The following LHX9 variants were observed in gnomAD, a reference collection of about 807,000 sequenced individuals.
The protein encoded by LHX9 is LIM homeobox 9.
In LHX9, 9 loss-of-function variants were observed where a neutral mutation model predicts 36.5. The observed-to-expected ratio is 0.25, with a 90% confidence interval of 0.15 to 0.43. The LOEUF is 0.43. Ranked by LOEUF, LHX9 falls within the 20% of genes least tolerant of loss-of-function variation. The probability of loss-of-function intolerance (pLI) is 1.00; values close to 1 mark genes in which losing one functional copy is unlikely to be tolerated. For missense variants in LHX9, 464 were observed against 526.4 expected, an observed-to-expected ratio of 0.88 and a Z score of 1.16; for synonymous variants, 211 against 212.1, an observed-to-expected ratio of 0.99 and a Z score of 0.04.
At position 197,933,048 on chromosome 1, in the gene LHX9, C is replaced by G. The variant is rs1312879758; in HGVS notation, c.*3789C>G. Reference sequence around the variant, plus strand: ...ACAAACAAAAAAGCAAATGGAAAGACAGACAAATATTTAGGAATGAGGTTT... The same window carrying G: ...ACAAACAAAAAAGCAAATGGAAAGAGAGACAAATATTTAGGAATGAGGTTT... On this transcript the variant is annotated 3_prime_UTR_variant, in exon 5 of 5. Coordinates refer to ENST00000367387, the MANE Select transcript of LHX9 (RefSeq NM_020204.3). 6.6e-6 allele frequency: 1 copy of G among 151,600 alleles called. No individual in the cohort carries two copies. The highest frequency in any genetic ancestry group is 1.5e-5 in the Non-Finnish European group (1 of 67,792). 9.4% of individuals were successfully genotyped at this position (151,600 alleles called of 1,614,324 possible). A position where few individuals can be genotyped will look rare whatever the true frequency, so the allele number is the denominator to read the frequency against.
rs927765200 is a variant in LHX9 at position 197,917,703 on chromosome 1, TCTC to T, written c.-115_-113del. 18 of 1,582,434 alleles carry T rather than the reference TCTC, an allele frequency of 1.1e-5. No homozygotes were observed. Among genetic ancestry groups the T allele is most frequent in the Non-Finnish European group, 1.5e-5 (18 of 1,169,250 alleles). On this transcript the variant is annotated 5_prime_UTR_variant, in exon 1 of 5. Coordinates refer to ENST00000367387, the MANE Select transcript of LHX9 (RefSeq NM_020204.3). ...ACCGATTTCCACTCCATCTGTTTCT[TCTC>T]CTCCTTTCTCTCCCTCTTTCCCTCC...
chr1:197,917,371 C>T (rs1659795581), upstream of LHX9: 3 of 1,302,200 alleles, frequency 2.3e-6, no homozygotes, highest in Non-Finnish European at 3.0e-6. Flanking sequence ...CAGGCAGGAG[C>T]AGTCCCCAAC....
chr1:197,927,615 A>T lies in LHX9; in HGVS notation c.758A>T (p.His253Leu), dbSNP rs772065228. The change falls in exon 4 of 5, where the codon CAC becomes CTC. Residue 253 changes from histidine to leucine, a missense_variant. This residue lies in a region of LHX9 where 130 missense variants were observed against 109.6 expected (regional missense o/e 1.19). Coordinates refer to ENST00000367387, the MANE Select transcript of LHX9 (RefSeq NM_020204.3). ...GGTTGTAATGAGAATGAGGCAGACC[A>T]CTTGGACCGGGACCAGCAGCCTTAT... is the stretch of plus-strand genomic sequence containing the variant. ...NSGCNENEAD[H>L]LDRDQQPYPP... 1 of 1,614,180 alleles carries T rather than the reference A, an allele frequency of 6.2e-7. No homozygotes were observed. Among genetic ancestry groups the T allele is most frequent in the South Asian group, 1.1e-5 (1 of 91,084 alleles).
chr1:197,922,474 T>C (rs1660022578), intron 3 of LHX9, among the ~76,000 whole-genome samples: 1 of 152,170 alleles, frequency 6.6e-6, no homozygotes, highest in South Asian at 2.1e-4. Flanking sequence ...CATGTATCAA[T>C]CTCTCACATG....
chr1:197,932,045 T>G lies in LHX9; in HGVS notation c.*2786T>G. 1 of 1,073,404 alleles carries G rather than the reference T, an allele frequency of 9.3e-7. No individual in the cohort carries two copies. Among genetic ancestry groups the G allele is most frequent in the East Asian group, 2.6e-5 (1 of 38,082 alleles). The allele number at this position is 1,073,404 out of a possible 1,614,324, so 66.5% of individuals were successfully genotyped here. A position where few individuals can be genotyped will look rare whatever the true frequency, so the allele number is the denominator to read the frequency against. On this transcript the variant is annotated 3_prime_UTR_variant, in exon 5 of 5. Transcript: ENST00000367387. ...TGAAGACAAAGACACTATTAGGTTA[T>G]GATAATCATACATTAAAAAATTTAT... is the stretch of plus-strand genomic sequence containing the variant.
At position 197,921,184 on chromosome 1, in the gene LHX9, C is replaced by A; in HGVS notation, c.378-120C>A. ...ATAAAATTAATGCCTACTCTCCTGT[C>A]CCCCTGGAACCCTCCCAGGTCCCAG... is the stretch of plus-strand genomic sequence containing the variant. On this transcript the variant is annotated intron_variant, in intron 2 of 4. Transcript: ENST00000367387. The surrounding 1 kb of genome is among the most constrained non-coding windows in gnomAD (Gnocchi z 4.6). 1.5e-6 allele frequency: 1 copy of A among 678,916 alleles called. No homozygotes were observed. The highest frequency in any genetic ancestry group is 2.5e-6 in the Non-Finnish European group (1 of 407,626). 42.1% of individuals were successfully genotyped at this position (678,916 alleles called of 1,614,324 possible). A position where few individuals can be genotyped will look rare whatever the true frequency, so the allele number is the denominator to read the frequency against.
upstream of LHX9, chr1:197,917,198 T>G: frequency 1.4e-5 from 11 of 790,158 alleles, no homozygotes; most frequent in South Asian, 5.9e-5. Flanking sequence ...CCCCCACCCC[T>G]TTGTAATGTT....
At chr1:197,922,053 G>GA (rs200406938) in intron 3 of LHX9, among the ~76,000 whole-genome samples, 54,042 of 144,776 alleles carry the variant, frequency 0.37, 12,266 homozygotes, top group Non-Finnish European at 0.53. Flanking sequence ...AAATACTGAA[G>GA]AAAAAAAAAA....
rs770910068 is a variant in LHX9 at position 197,921,586 on chromosome 1, C to A, written c.660C>A (p.Gly220=). The A allele has an allele frequency of 6.2e-7, 1 of 1,611,278 alleles. No individual in the cohort carries two copies. Among genetic ancestry groups the A allele is most frequent in the Admixed American group, 1.7e-5 (1 of 60,022 alleles). ...GLALPYFNGT[G]TVQKGRPRKR... ...CCCTGCCTTACTTCAACGGTACGGG[C>A]ACCGTGCAGAAAGGGCGGCCCCGGA... Residue 220 remains glycine (G), a synonymous_variant, in exon 3 of 5, where the codon GGC becomes GGA. Coordinates refer to ENST00000367387, the MANE Select transcript of LHX9 (RefSeq NM_020204.3). This position sits in a 1 kb window ranked among gnomAD's most constrained non-coding sequence, Gnocchi z 4.6.
At chr1:197,912,685 T>G (rs1659654137), upstream of LHX9, 3 of 1,028,838 alleles carry the variant, frequency 2.9e-6, no homozygotes, top group South Asian at 3.9e-5. Context: ...GTGTTTGTCT[T>G]AAAAATTAAA....
Position 197,929,132 on chromosome 1 carries a change from C to A in LHX9, c.1067C>A (p.Pro356His), listed in dbSNP as rs754642556. ...PSADSGALTP[P>H]GTATTLTDLT... ...GCAGACAGCGGAGCTCTCACTCCAC[C>A]CGGCACTGCGACCACTTTAACAGAC... The change falls in exon 5 of 5, where the codon CCC becomes CAC. Residue 356 changes from proline to histidine, a missense_variant. This residue lies in a region of LHX9 where 102 missense variants were observed against 97.0 expected (regional missense o/e 1.05). Transcript: ENST00000367387. 1 of 1,613,716 alleles carries A rather than the reference C, an allele frequency of 6.2e-7. No individual in the cohort carries two copies. The highest frequency in any genetic ancestry group is 8.5e-7 in the Non-Finnish European group (1 of 1,179,888).
chr1:197,916,900 G>T, upstream of LHX9: 3 of 637,484 alleles, frequency 4.7e-6, no homozygotes, highest in South Asian at 1.8e-5. Context: ...TGACAGTCCT[G>T]CAGGCTGGGG....
At chr1:197,926,646 C>T (rs535428005) in intron 3 of LHX9, among the ~76,000 whole-genome samples, 5 of 152,110 alleles carry the variant, frequency 3.3e-5, no homozygotes, top group Admixed American at 6.5e-5. Flanking sequence ...GAGAAAATGC[C>T]GCCCTCTCTC....
chr1:197,919,902 G>T, intron 1 of LHX9, 70 bp from the exon 2 acceptor site: 3 of 1,536,010 alleles, frequency 2.0e-6, no homozygotes, highest in Non-Finnish European at 2.7e-6. Context: ...TGGTCTGCCT[G>T]GGGGAGAACC....
At chr1:197,915,854 T>C (rs1361950666), upstream of LHX9, 1 of 152,240 alleles carries the variant, frequency 6.6e-6, no homozygotes, top group African/African-American at 2.4e-5. Flanking sequence ...CTCACTTCTT[T>C]TTTTCTTTCC....
intron 3 of LHX9, among the ~76,000 whole-genome samples, chr1:197,925,123 G>A (rs1303051331): frequency 2.3e-5 from 1 of 44,142 alleles, no homozygotes; most frequent in African/African-American, 9.8e-5. Context: ...AAGACCCAAC[G>A]AGCTATCTCC....
Position 197,929,355 on chromosome 1 carries a change from T to G in LHX9, c.*96T>G, listed in dbSNP as rs1660260375. ...TATTATTTACAAGACTTTTTTTTTCTTCTAACCCACAAGATATTTGGGGAA... is the reference window on the plus strand; with the variant it reads ...TATTATTTACAAGACTTTTTTTTTCGTCTAACCCACAAGATATTTGGGGAA... On this transcript the variant is annotated 3_prime_UTR_variant, in exon 5 of 5. Transcript: ENST00000367387. 5 of 1,197,762 alleles carry G rather than the reference T, an allele frequency of 4.2e-6. No homozygotes were observed. Among genetic ancestry groups the G allele is most frequent in the Admixed American group, 4.3e-5 (1 of 23,244 alleles). The allele number at this position is 1,197,762 out of a possible 1,614,324, so 74.2% of individuals were successfully genotyped here. A position where few individuals can be genotyped will look rare whatever the true frequency, so the allele number is the denominator to read the frequency against.
At position 197,921,796 on chromosome 1, in the gene LHX9, C is replaced by T; in HGVS notation, c.733+137C>T. 1.4e-6 allele frequency: 1 copy of T among 718,384 alleles called. No homozygotes were observed. The allele number at this position is 718,384 out of a possible 1,614,324, so 44.5% of individuals were successfully genotyped here. ...CTGTTCTCACTGCAACTCCCTCTCA[C>T]TCTGAAGGAAGGGAGAGAGGGAGGA... is the stretch of plus-strand genomic sequence containing the variant. On this transcript the variant is annotated intron_variant, in intron 3 of 4. Coordinates refer to ENST00000367387, the MANE Select transcript of LHX9 (RefSeq NM_020204.3). This position sits in a 1 kb window ranked among gnomAD's most constrained non-coding sequence, Gnocchi z 4.6.
intron 1 of LHX9, chr1:197,918,299 C>G: frequency 1.4e-6 from 1 of 717,520 alleles, no homozygotes; most frequent in Non-Finnish European, 2.6e-6. Context: ...CTCAAGGTTC[C>G]CTTGATTCCG....
Sources: allele counts gnomAD v4.1 joint callset (sites outside exome capture counted in the v4.1 genomes callset), GRCh38; gene constraint gnomAD v4.1.1; regional missense constraint gnomAD v4.1.1; non-coding constraint Gnocchi (gnomAD v3.1); transcripts MANE v1.5; gene names NCBI Gene and HGNC (gene_info 2026-07-23, HGNC 2026-07-21).